Variants in TRAPPC9 observed in about 807,000 individuals in gnomAD.
TRAPPC9 encodes IKK2 binding protein.
Under a neutral mutation model 124.0 loss-of-function variants are expected in TRAPPC9, and 83 were observed. The observed-to-expected ratio is 0.67, with a 90% CI of 0.56 to 0.80. TRAPPC9 has a LOEUF of 0.80. Ranked by LOEUF, TRAPPC9 falls within the 30% of genes least tolerant of loss-of-function variation. The pLI is 0.00. For missense variants in TRAPPC9, 1,302 were observed against 1,508.3 expected (o/e 0.86, Z 2.27); for synonymous variants, 638 against 617.5 (o/e 1.03, Z -0.49).
intron 21 of TRAPPC9, among the ~76,000 whole-genome samples, chr8:139,864,078 C>G (rs949738832): frequency 6.6e-6 from 1 of 152,160 alleles, no homozygotes; most frequent in Admixed American, 6.5e-5. Flanking sequence ...CACCACAAAG[C>G]CCCCCTCCCT....
At chr8:139,911,859 A>C (rs2131285507) in intron 19 of TRAPPC9, among the ~76,000 whole-genome samples, 1 of 152,162 alleles carries the variant, frequency 6.6e-6, no homozygotes, top group African/African-American at 2.4e-5. Context: ...GGATATAAAG[A>C]CAAGATAAGA....
chr8:140,293,215 A>T (rs924410160), intron 11 of TRAPPC9, among the ~76,000 whole-genome samples: 7 of 149,754 alleles, frequency 4.7e-5, no homozygotes, highest in Non-Finnish European at 7.4e-5. Context: ...TCAGGAAACA[A>T]CAGGTGCTGG....
chr8:139,838,666 G>A lies in TRAPPC9; in HGVS notation c.3055+47213C>T, dbSNP rs951854253. 4.6e-5 allele frequency among the ~76,000 whole-genome samples: 7 copies of A among 152,178 alleles called. No homozygotes were observed. In the East Asian group the frequency reaches 1.3e-3, roughly 29 times the overall value. On this transcript the variant is annotated intron_variant, in intron 21 of 22. Coordinates refer to ENST00000438773, the MANE Select transcript of TRAPPC9 (RefSeq NM_001160372.4). ...AGAGGCTGCTGCTGTGATGACGGGT[G>A]GGTGGCAAGGTTACCGAGGAGGCCT... is the stretch of plus-strand genomic sequence containing the variant.
intron 17 of TRAPPC9, among the ~76,000 whole-genome samples, chr8:140,184,986 T>C (rs1004440580): frequency 2.0e-5 from 3 of 152,174 alleles, no homozygotes; most frequent in African/African-American, 7.2e-5. Flanking sequence ...AATAATTTTT[T>C]ATTCTTAAGT....
chr8:139,898,142 G>A (rs1159109011), intron 20 of TRAPPC9, among the ~76,000 whole-genome samples: 4 of 152,238 alleles, frequency 2.6e-5, no homozygotes, highest in Non-Finnish European at 5.9e-5. Flanking sequence ...CTAGAAGAGG[G>A]GCAAGGGGCG....
chr8:140,202,235 T>C (rs1047635365), intron 17 of TRAPPC9, among the ~76,000 whole-genome samples: 15 of 149,714 alleles, frequency 1.0e-4, no homozygotes, highest in Non-Finnish European at 1.5e-5. Flanking sequence ...AGAGCCAACT[T>C]AAGAAAGCTC....
intron 21 of TRAPPC9, among the ~76,000 whole-genome samples, chr8:139,745,281 G>A (rs930820230): frequency 6.6e-6 from 1 of 152,234 alleles, no homozygotes; most frequent in African/African-American, 2.4e-5. Flanking sequence ...GGGCCTGGGT[G>A]AGCCCCTTCG....
At chr8:140,412,944 G>C (rs576581119) in intron 5 of TRAPPC9, among the ~76,000 whole-genome samples, 4 of 152,216 alleles carry the variant, frequency 2.6e-5, no homozygotes, top group African/African-American at 9.6e-5. Context: ...TTTGTGTCTG[G>C]GAAAGGAAAG....
chr8:140,372,393 C>T lies in TRAPPC9; in HGVS notation c.1135-1213G>A, dbSNP rs540715536. On this transcript the variant is annotated intron_variant, in intron 7 of 22. Transcript: ENST00000438773. Reference sequence around the variant, plus strand: ...CCCTCCATCCCCTCTCCTCCGCGCTCACTGCCATGGCCTCGATGGGGCCCT... The same window carrying T: ...CCCTCCATCCCCTCTCCTCCGCGCTTACTGCCATGGCCTCGATGGGGCCCT... 3.3e-5 allele frequency among the ~76,000 whole-genome samples: 5 copies of T among 152,342 alleles called. No homozygotes were observed. The East Asian group carries it at 9.6e-4, about 29-fold the overall frequency.
At chr8:140,065,173 G>A (rs556190244) in intron 17 of TRAPPC9, among the ~76,000 whole-genome samples, 3 of 152,298 alleles carry the variant, frequency 2.0e-5, no homozygotes, top group African/African-American at 7.2e-5. Context: ...ATCTAATCCA[G>A]AGCAATGCCC....
In TRAPPC9 at chr8:140,252,428, G is replaced by C; in HGVS notation, c.2431+349C>G. On this transcript the variant is annotated intron_variant, in intron 16 of 22. Transcript: ENST00000438773. This position sits in a 1 kb window ranked among gnomAD's most constrained non-coding sequence, Gnocchi z 4.2. ...CTTATAGATATCATCAGACTTTGAAGGAAAACTTTATCATCACAGCTAATT... is the reference window on the plus strand; with the variant it reads ...CTTATAGATATCATCAGACTTTGAACGAAAACTTTATCATCACAGCTAATT... 6.4e-6 allele frequency: 2 copies of C among 312,368 alleles called. No homozygotes were observed. Among genetic ancestry groups the C allele is most frequent in the South Asian group, 6.5e-5 (2 of 30,696 alleles). The allele number at this position is 312,368 out of a possible 1,614,324, so 19.3% of individuals were successfully genotyped here.
intron 17 of TRAPPC9, among the ~76,000 whole-genome samples, chr8:140,158,583 C>T (rs906545792): frequency 3.3e-5 from 5 of 152,368 alleles, no homozygotes; most frequent in African/African-American, 9.6e-5. Flanking sequence ...GTATCTCTTA[C>T]AGCAGCAATA....
At chr8:140,296,112 GT>G (rs1280271028) in intron 11 of TRAPPC9, among the ~76,000 whole-genome samples, 1 of 152,084 alleles carries the variant, frequency 6.6e-6, no homozygotes, top group Non-Finnish European at 1.5e-5. Context: ...CTTAAATTTC[GT>G]TCAGTCTTAA....
rs182196123 is a variant in TRAPPC9, at chr8:139,791,958, G to C, written c.3056-59756C>G. ...GATTCCACCATCACTGCGTGGTCAG[G>C]CTCCCAGGAGCTACTTGTCCATACC... is the stretch of plus-strand genomic sequence containing the variant. On this transcript the variant is annotated intron_variant, in intron 21 of 22. Transcript: ENST00000438773. 1.3e-3 allele frequency among the ~76,000 whole-genome samples: 195 copies of C among 152,306 alleles called. 1 individual carries two copies. The highest frequency in any genetic ancestry group is 4.4e-3 in the African/African-American group (183 of 41,568).
At chr8:140,215,284 C>A (rs936238049) in intron 17 of TRAPPC9, among the ~76,000 whole-genome samples, 3 of 152,112 alleles carry the variant, frequency 2.0e-5, no homozygotes, top group Middle Eastern at 3.2e-3. Flanking sequence ...CCTTCACGGA[C>A]CTTTCCCATC....
At chr8:140,393,753 G>C (rs1344626741) in intron 7 of TRAPPC9, among the ~76,000 whole-genome samples, 2 of 152,074 alleles carry the variant, frequency 1.3e-5, no homozygotes, top group African/African-American at 4.8e-5. Context: ...TTCTACAATG[G>C]AACATACTTG....
chr8:139,832,947 G>T (rs543281970), intron 21 of TRAPPC9, among the ~76,000 whole-genome samples: 6 of 152,290 alleles, frequency 3.9e-5, no homozygotes, highest in South Asian at 4.1e-4. Context: ...TAAAGGCAGA[G>T]AAATTTTTCC....
intron 19 of TRAPPC9, among the ~76,000 whole-genome samples, chr8:139,971,746 T>TAC (rs1554419388): frequency 1.3e-4 from 2 of 15,692 alleles, no homozygotes; most frequent in Non-Finnish European, 3.5e-4. Context: ...CACATATATA[T>TAC]ATACACACAC....
At chr8:139,883,736 C>T (rs1010670524) in intron 21 of TRAPPC9, among the ~76,000 whole-genome samples, 2 of 152,198 alleles carry the variant, frequency 1.3e-5, no homozygotes, top group East Asian at 1.9e-4. Context: ...TTCTTCCAGG[C>T]GCCCCACCAG....
Sources: gnomAD v4.1 joint callset for allele counts (sites outside exome capture counted in the v4.1 genomes callset) on GRCh38, gnomAD v4.1.1 for gene constraint, Gnocchi (gnomAD v3.1) non-coding constraint, MANE v1.5 for transcripts, NCBI Gene and HGNC (gene_info 2026-07-23, HGNC 2026-07-21) for gene names.